Variants in BLTP3B observed in about 807,000 individuals in gnomAD.
BLTP3B encodes the protein bridge-like lipid transfer protein family member 3B.
the BLTP3B span, among the ~76,000 whole-genome samples, chr12:100,123,660 T>G: frequency 6.6e-6 from 1 of 152,172 alleles, no homozygotes; most frequent in Non-Finnish European, 1.5e-5. Context: ...CTCTTTGAGT[T>G]TGATTAACGT....
At chr12:100,088,915 C>A in the BLTP3B span, 2 of 1,541,138 alleles carry the variant, frequency 1.3e-6, no homozygotes, top group Non-Finnish European at 1.7e-6. Context: ...GTTATTTTAC[C>A]TTTTTCTTTA....
chr12:100,140,754 A>AT, the BLTP3B span, among the ~76,000 whole-genome samples: 10 of 135,882 alleles, frequency 7.4e-5, no homozygotes, highest in African/African-American at 2.6e-4. Flanking sequence ...ATATATATAT[A>AT]AAATAAAATA....
At chr12:100,046,330 T>C in the BLTP3B span, among the ~76,000 whole-genome samples, 1 of 152,150 alleles carries the variant, frequency 6.6e-6, no homozygotes, top group Non-Finnish European at 1.5e-5. Context: ...CCAACCCAAA[T>C]GTCCATTAAT....
chr12:100,037,633 C>A, the BLTP3B span: 1 of 1,607,424 alleles, frequency 6.2e-7, no homozygotes, highest in South Asian at 1.1e-5. Flanking sequence ...ACTGCCACTC[C>A]TGCTATTCAA....
chr12:100,138,527 T>C, the BLTP3B span, among the ~76,000 whole-genome samples: 1 of 152,192 alleles, frequency 6.6e-6, no homozygotes, highest in East Asian at 1.9e-4. Context: ...TAGATGGCAG[T>C]AGTATTACCC....
chr12:100,121,795 C>T, the BLTP3B span, among the ~76,000 whole-genome samples: 1 of 151,606 alleles, frequency 6.6e-6, no homozygotes, highest in East Asian at 2.0e-4. Flanking sequence ...TGCCACTGCA[C>T]TCCAGCCTGG....
chr12:100,044,161 C>G, the BLTP3B span, among the ~76,000 whole-genome samples: 2 of 152,012 alleles, frequency 1.3e-5, no homozygotes, highest in African/African-American at 2.4e-5. Flanking sequence ...GAGGGCTGGG[C>G]AGAGTCTTCT....
At chr12:100,049,278 C>T in the BLTP3B span, among the ~76,000 whole-genome samples, 5 of 152,118 alleles carry the variant, frequency 3.3e-5, no homozygotes, top group East Asian at 7.7e-4. Context: ...CCTGGAAAGG[C>T]GAAGCTGTTT....
chr12:100,089,245 T>C, the BLTP3B span: 1 of 707,712 alleles, frequency 1.4e-6, no homozygotes, highest in Non-Finnish European at 2.1e-6. Flanking sequence ...AAATATTTTC[T>C]GAATTACCTA....
the BLTP3B span, among the ~76,000 whole-genome samples, chr12:100,111,307 T>C: frequency 6.7e-6 from 1 of 148,248 alleles, no homozygotes; most frequent in South Asian, 2.2e-4. Context: ...TTTTTTTGCT[T>C]TTTTGAGACA....
At chr12:100,056,562 G>C in the BLTP3B span, among the ~76,000 whole-genome samples, 3 of 151,974 alleles carry the variant, frequency 2.0e-5, no homozygotes, top group Admixed American at 2.0e-4. Flanking sequence ...TTCAGGCCAG[G>C]CATGGTGGCT....
At chr12:100,102,574 A>T in the BLTP3B span, among the ~76,000 whole-genome samples, 1 of 152,210 alleles carries the variant, frequency 6.6e-6, no homozygotes, top group African/African-American at 2.4e-5. Flanking sequence ...ATTTAATAAT[A>T]GCAAGGAAAG....
At chr12:100,050,336 A>C in the BLTP3B span, 1 of 1,586,914 alleles carries the variant, frequency 6.3e-7, no homozygotes. Context: ...TGATTGCATA[A>C]ATAATATTAG....
the BLTP3B span, among the ~76,000 whole-genome samples, chr12:100,043,723 A>C: frequency 2.0e-5 from 3 of 152,224 alleles, no homozygotes; most frequent in Admixed American, 6.5e-5. Context: ...GGGGCTTAGC[A>C]GCTGCATAAT....
At chr12:100,142,068 A>C in the BLTP3B span, among the ~76,000 whole-genome samples, 1 of 152,212 alleles carries the variant, frequency 6.6e-6, no homozygotes, top group Non-Finnish European at 1.5e-5. Flanking sequence ...ACAGAGCGGG[A>C]ACGCCAAGGT....
At chr12:100,094,575 G>T in the BLTP3B span, among the ~76,000 whole-genome samples, 5 of 152,192 alleles carry the variant, frequency 3.3e-5, no homozygotes, top group Non-Finnish European at 7.3e-5. Context: ...TGAAAGCCTA[G>T]GCCGGGCATG....
the BLTP3B span, chr12:100,048,039 A>G: frequency 1.9e-6 from 3 of 1,611,692 alleles, no homozygotes. Flanking sequence ...TCATAAGAGA[A>G]GATGTAAGAA....
the BLTP3B span, among the ~76,000 whole-genome samples, chr12:100,135,442 T>C: frequency 6.6e-6 from 1 of 151,974 alleles, no homozygotes; most frequent in African/African-American, 2.4e-5. Context: ...CCAATTTTGG[T>C]ATTTTTAGTA....
At chr12:100,053,410 AAAT>A in the BLTP3B span, among the ~76,000 whole-genome samples, 1 of 152,204 alleles carries the variant, frequency 6.6e-6, no homozygotes, top group East Asian at 1.9e-4. Context: ...TTGGTATCAA[AAAT>A]ATATATATTT....
Sources: gnomAD v4.1 joint callset for allele counts (sites outside exome capture counted in the v4.1 genomes callset) on GRCh38, gnomAD v4.1.1 for gene constraint, MANE v1.5 for transcripts, NCBI Gene and HGNC (gene_info 2026-07-23, HGNC 2026-07-21) for gene names.